PGBD5: variants seen among roughly 807,000 people sequenced by gnomAD.
The protein encoded by PGBD5 is piggyBac transposable element derived 5.
A neutral mutation model predicts 47.9 loss-of-function variants in PGBD5; 14 were observed. That is an observed-to-expected ratio of 0.29 (90% confidence interval 0.19 to 0.46). PGBD5 has a LOEUF of 0.46. Ranked by LOEUF, PGBD5 falls within the 20% of genes least tolerant of loss-of-function variation. The pLI, the probability that PGBD5 is intolerant of heterozygous loss-of-function variation, is 1.00. For synonymous variants in PGBD5, 316 were observed against 306.3 expected (o/e 1.03, Z -0.33); for missense variants, 635 against 716.0 (o/e 0.89, Z 1.29).
intron 2 of PGBD5, among the ~76,000 whole-genome samples, chr1:230,351,324 C>T (rs576497543): frequency 2.0e-5 from 3 of 152,286 alleles, no homozygotes; most frequent in South Asian, 2.1e-4. Flanking sequence ...AAAATAGCAC[C>T]GGCCCTGATA....
intron 1 of PGBD5, among the ~76,000 whole-genome samples, chr1:230,413,515 G>A (rs1417708640): frequency 6.6e-6 from 1 of 152,100 alleles, no homozygotes; most frequent in Non-Finnish European, 1.5e-5. Context: ...AAAGGGCGGG[G>A]AGGGGAAGAG....
At position 230,375,590 on chromosome 1, in the gene PGBD5, T is replaced by C. The variant is rs190504135; in HGVS notation, c.332-18269A>G. Among the ~76,000 whole-genome samples the C allele has an allele frequency of 2.7e-5, 4 of 150,918 alleles. No homozygotes were observed. In the Admixed American group the frequency reaches 2.7e-4, roughly 10 times the overall value. The stretch of plus-strand genomic sequence containing the variant: ...CCTAATCCCTTATATGCAAAATAAA[T>C]AGATGGTCAGGTTAGATTTTGACTT... On this transcript the variant is annotated intron_variant, in intron 1 of 6. Transcript: ENST00000391860.
At chr1:230,381,780 G>A (rs931185629) in intron 1 of PGBD5, among the ~76,000 whole-genome samples, 3 of 152,024 alleles carry the variant, frequency 2.0e-5, no homozygotes, top group Non-Finnish European at 2.9e-5. Flanking sequence ...CTGGGCATCC[G>A]GGACAGAGTG....
chr1:230,353,070 A>G (rs1054660639), intron 2 of PGBD5, among the ~76,000 whole-genome samples: 1 of 152,220 alleles, frequency 6.6e-6, no homozygotes, highest in Non-Finnish European at 1.5e-5. Context: ...CTGACCCTCA[A>G]TGATCTTTTT....
chr1:230,350,943 C>G lies in PGBD5; in HGVS notation c.894+15G>C, dbSNP rs745639767. ...CCTCTTCACCGACCCTCCCCGGGCT[C>G]AGCCCAGGGCTCACCTGGATGATGA... On this transcript the variant is annotated intron_variant, in intron 3 of 6. Transcript: ENST00000391860. The G allele has an allele frequency of 6.2e-6, 10 of 1,612,120 alleles. No individual in the cohort carries two copies. The highest frequency in any genetic ancestry group is 6.8e-6 in the Non-Finnish European group (8 of 1,179,206).
At chr1:230,389,127 T>C (rs1208674871) in intron 1 of PGBD5, among the ~76,000 whole-genome samples, 1 of 152,078 alleles carries the variant, frequency 6.6e-6, no homozygotes, top group Non-Finnish European at 1.5e-5. Flanking sequence ...ATCTCTGCTA[T>C]GATGCAAAAC....
chr1:230,376,104 G>A (rs1299486713), intron 1 of PGBD5, among the ~76,000 whole-genome samples: 1 of 129,476 alleles, frequency 7.7e-6, no homozygotes, highest in African/African-American at 2.6e-5. Flanking sequence ...AGAGCCAAGC[G>A]TGGGCAGAGT....
intron 1 of PGBD5, among the ~76,000 whole-genome samples, chr1:230,371,244 T>C (rs909398447): frequency 6.6e-6 from 1 of 152,218 alleles, no homozygotes; most frequent in African/African-American, 2.4e-5. Flanking sequence ...AGCTTGCAAT[T>C]ATGCAGTTTC....
rs911785346 is a variant in PGBD5, at chr1:230,316,604, GTTT to G, written c.*6818_*6820del. 1 of 151,122 alleles carries G rather than the reference GTTT, an allele frequency of 6.6e-6. No individual in the cohort carries two copies. Among genetic ancestry groups the G allele is most frequent in the Non-Finnish European group, 1.5e-5 (1 of 67,792 alleles). 9.4% of individuals were successfully genotyped at this position (151,122 alleles called of 1,614,324 possible). On this transcript the variant is annotated 3_prime_UTR_variant, in exon 7 of 7. Coordinates refer to ENST00000391860, the MANE Select transcript of PGBD5 (RefSeq NM_001258311.2). The stretch of plus-strand genomic sequence containing the variant: ...AAAAATCCTCATCTGCCCAATTATT[GTTT>G]TTTTTTCCTACCACGACTCTTGCCA...
chr1:230,354,921 G>A (rs1037389895), intron 2 of PGBD5, among the ~76,000 whole-genome samples: 2 of 152,162 alleles, frequency 1.3e-5, no homozygotes, highest in African/African-American at 4.8e-5. Flanking sequence ...AGAGAAGAAT[G>A]AGCTGGAGGA....
chr1:230,367,869 A>C, intron 1 of PGBD5: 1 of 1,286,626 alleles, frequency 7.8e-7, no homozygotes, highest in Non-Finnish European at 1.0e-6. Context: ...ACAGCCAAGC[A>C]CAGGGCTACC....
At chr1:230,333,585 G>T (rs531429823) in intron 4 of PGBD5, among the ~76,000 whole-genome samples, 1 of 152,212 alleles carries the variant, frequency 6.6e-6, no homozygotes, top group East Asian at 1.9e-4. Flanking sequence ...TCACCAGGAC[G>T]TGGCTGAACG....
Position 230,321,512 on chromosome 1 carries a change from A to C in PGBD5, c.*1913T>G, listed in dbSNP as rs1231671279. ...AGAAATGGGCTTTCGCCATGTTGCC[A>C]ATGCTGGTCTCAAACTCCTGGACTC... is the stretch of plus-strand genomic sequence containing the variant. On this transcript the variant is annotated 3_prime_UTR_variant, in exon 7 of 7. Coordinates refer to ENST00000391860, the MANE Select transcript of PGBD5 (RefSeq NM_001258311.2). 1 of 152,170 alleles carries C rather than the reference A, an allele frequency of 6.6e-6. No individual in the cohort carries two copies. The highest frequency in any genetic ancestry group is 1.5e-5 in the Non-Finnish European group (1 of 68,042). The allele number at this position is 152,170 out of a possible 1,614,324, so 9.4% of individuals were successfully genotyped here. A position where few individuals can be genotyped will look rare whatever the true frequency, so the allele number is the denominator to read the frequency against.
intron 3 of PGBD5, 29 bp downstream of exon 3, chr1:230,350,929 A>C (rs752285492): frequency 6.2e-7 from 1 of 1,608,522 alleles, no homozygotes; most frequent in Non-Finnish European, 8.5e-7. Flanking sequence ...CTCTTCACCG[A>C]CCCTCCCCGG....
Position 230,332,848 on chromosome 1 carries a change from C to G in PGBD5, c.1269G>C (p.Gln423His). 2 of 1,614,178 alleles carry G rather than the reference C, an allele frequency of 1.2e-6. No individual in the cohort carries two copies. Among genetic ancestry groups the G allele is most frequent in the Non-Finnish European group, 1.7e-6 (2 of 1,179,998 alleles). ...RFLTNAYSPV[Q>H]QGVIIKRKSG... ...CAATGGCGGACCCGCACTCACCCTG[C>G]TGCACCGGGGAGTAGGCGTTGGTCA... The change falls in exon 5 of 7, where the codon CAG becomes CAC. Residue 423 changes from glutamine (Q) to histidine (H), a missense_variant. Gln to His is a conservative substitution (Grantham distance 24). Transcript: ENST00000391860.
At position 230,412,387 on chromosome 1, in the gene PGBD5, C is replaced by CTTT. The variant is rs34303231; in HGVS notation, c.331+13208_331+13210dup. On this transcript the variant is annotated intron_variant, in intron 1 of 6. Transcript: ENST00000391860. ...AAGGGGAAATGGATCATCCTAAAGTCTTTTTTTTTTTTTTTTTTTGAGACA... is the reference window on the plus strand; with the variant it reads ...AAGGGGAAATGGATCATCCTAAAGTCTTTTTTTTTTTTTTTTTTTTTTGAGACA... 3.7e-4 allele frequency among the ~76,000 whole-genome samples: 47 copies of CTTT among 127,636 alleles called. 1 individual carries two copies. The highest frequency in any genetic ancestry group is 4.8e-4 in the Non-Finnish European group (29 of 60,818). The allele number at this position is 127,636 out of a possible 152,430, so 83.7% of individuals were successfully genotyped here.
At chr1:230,362,648 C>T (rs948257421) in intron 1 of PGBD5, among the ~76,000 whole-genome samples, 8 of 152,200 alleles carry the variant, frequency 5.3e-5, no homozygotes, top group South Asian at 2.1e-4. Flanking sequence ...CTTGTGTGGC[C>T]CGTCTCCCGA....
chr1:230,389,177 T>C lies in PGBD5; in HGVS notation c.332-31856A>G, dbSNP rs1167259496. The stretch of plus-strand genomic sequence containing the variant: ...CGCAAGTGATGACATTTTCTTTCTT[T>C]TTTTTTTTTTTTTGATACGGAGTTT... On this transcript the variant is annotated intron_variant, in intron 1 of 6. Transcript: ENST00000391860. Among the ~76,000 whole-genome samples the C allele has an allele frequency of 4.0e-5, 6 of 149,492 alleles. No homozygotes were observed. In the East Asian group the frequency reaches 1.2e-3, roughly 29 times the overall value.
rs548580843 is a variant in PGBD5, at chr1:230,368,343, C to A, written c.332-11022G>T. On this transcript the variant is annotated intron_variant, in intron 1 of 6. Coordinates refer to ENST00000391860, the MANE Select transcript of PGBD5 (RefSeq NM_001258311.2). ...AGTGTGCGGCCCGGCAGGGCAGGAC[C>A]AAGGAGTCTGACTGCTAAAGTGCAA... Among the ~76,000 whole-genome samples, 34 of 152,348 alleles carry A rather than the reference C, an allele frequency of 2.2e-4. 1 individual carries two copies. The South Asian group carries it at 6.8e-3, about 31-fold the overall frequency.
Sources: gnomAD v4.1 joint callset for allele counts (sites outside exome capture counted in the v4.1 genomes callset) on GRCh38, gnomAD v4.1.1 for gene constraint, MANE v1.5 for transcripts, NCBI Gene and HGNC (gene_info 2026-07-23, HGNC 2026-07-21) for gene names.